Variants in PTPRD observed in about 807,000 individuals in gnomAD.
The protein encoded by PTPRD is receptor-type tyrosine-protein phosphatase delta.
In PTPRD, 34 loss-of-function variants were observed where a neutral mutation model predicts 214.5. The observed-to-expected ratio is 0.16, with a 90% CI of 0.12 to 0.21. The LOEUF (loss-of-function observed/expected upper bound fraction) is 0.21. PTPRD is among the 10% of genes least tolerant of loss of function. PTPRD has a pLI of 1.00. For missense variants in PTPRD, 2,545 were observed against 2,398.7 expected (o/e 1.06, Z -1.27); for synonymous variants, 1,128 against 845.7 (o/e 1.33, Z -5.79).
At chr9:9,635,362 G>C (rs904720354) in intron 7 of PTPRD, among the ~76,000 whole-genome samples, 2 of 152,158 alleles carry the variant, frequency 1.3e-5, no homozygotes, top group Admixed American at 6.5e-5. Flanking sequence ...TTTTGGTTCA[G>C]GGTAGGTAGC....
At chr9:9,994,112 G>A (rs2096045420) in intron 4 of PTPRD, among the ~76,000 whole-genome samples, 1 of 152,164 alleles carries the variant, frequency 6.6e-6, no homozygotes. Context: ...TAGCTAGTAA[G>A]TAAAGTCAGA....
chr9:10,437,034 T>G (rs650768), intron 2 of PTPRD, among the ~76,000 whole-genome samples: 2,862 of 151,886 alleles, frequency 0.019, 89 homozygotes, highest in African/African-American at 0.065. Flanking sequence ...GAGATAAGTA[T>G]ATATGCAATA....
At chr9:10,104,441 C>T (rs1215639176) in intron 3 of PTPRD, among the ~76,000 whole-genome samples, 1 of 151,494 alleles carries the variant, frequency 6.6e-6, no homozygotes, top group South Asian at 2.1e-4. Context: ...ACACATAATG[C>T]AGGTCTATAA....
chr9:8,626,213 T>A (rs1440768029), intron 14 of PTPRD, among the ~76,000 whole-genome samples: 1 of 151,922 alleles, frequency 6.6e-6, no homozygotes, highest in African/African-American at 2.4e-5. Context: ...GCCAACCAAC[T>A]ACCTAGTTTT....
intron 7 of PTPRD, among the ~76,000 whole-genome samples, chr9:9,703,141 A>T (rs977610716): frequency 1.3e-5 from 2 of 151,890 alleles, no homozygotes; most frequent in South Asian, 4.2e-4. Context: ...CTTCTCATGA[A>T]ATCTGATGGT....
chr9:8,836,228 G>C (rs2097418966), intron 11 of PTPRD, among the ~76,000 whole-genome samples: 1 of 152,026 alleles, frequency 6.6e-6, no homozygotes, highest in East Asian at 1.9e-4. Flanking sequence ...ATTAATTCAG[G>C]CGTAAATACT....
At chr9:9,976,251 ATAG>A in intron 4 of PTPRD, among the ~76,000 whole-genome samples, 1 of 152,284 alleles carries the variant, frequency 6.6e-6, no homozygotes, top group East Asian at 1.9e-4. Context: ...AGTTTACAAA[ATAG>A]AAACTTAACT....
At chr9:9,484,670 T>C (rs1485083396) in intron 8 of PTPRD, among the ~76,000 whole-genome samples, 1 of 152,132 alleles carries the variant, frequency 6.6e-6, no homozygotes, top group East Asian at 1.9e-4. Flanking sequence ...GACACTGTTA[T>C]TGGGCCCATT....
At chr9:9,443,645 G>A (rs763864806) in intron 8 of PTPRD, among the ~76,000 whole-genome samples, 4 of 152,068 alleles carry the variant, frequency 2.6e-5, no homozygotes, top group Non-Finnish European at 5.9e-5. Context: ...CATAGAGAAG[G>A]GGGTAGCTCA....
chr9:10,524,060 G>C (rs960302297), intron 2 of PTPRD, among the ~76,000 whole-genome samples: 4 of 151,966 alleles, frequency 2.6e-5, no homozygotes, highest in Non-Finnish European at 4.4e-5. Flanking sequence ...CGTCTTATAA[G>C]TCCTCACGTG....
intron 14 of PTPRD, among the ~76,000 whole-genome samples, chr9:8,623,666 G>A (rs773150079): frequency 2.0e-5 from 3 of 151,802 alleles, no homozygotes; most frequent in African/African-American, 4.8e-5. Flanking sequence ...GCTTTACATG[G>A]ATTATCTCCT....
At chr9:9,582,191 A>T (rs1197249331) in intron 7 of PTPRD, among the ~76,000 whole-genome samples, 1 of 152,146 alleles carries the variant, frequency 6.6e-6, no homozygotes, top group Admixed American at 6.6e-5. Context: ...ACCACTTGGA[A>T]TAAGACAACC....
intron 12 of PTPRD, among the ~76,000 whole-genome samples, chr9:8,681,647 C>T (rs1259531019): frequency 1.3e-5 from 2 of 152,146 alleles, no homozygotes; most frequent in Non-Finnish European, 1.5e-5. Context: ...GGTGCAAAGC[C>T]GCCAGCCCTG....
chr9:8,466,959 C>G (rs975690054), intron 31 of PTPRD, among the ~76,000 whole-genome samples: 8 of 151,756 alleles, frequency 5.3e-5, no homozygotes, highest in Admixed American at 5.3e-4. Flanking sequence ...ATGATAAACA[C>G]TGAATTCTTC....
At chr9:9,279,759 G>A (rs555415260) in intron 9 of PTPRD, among the ~76,000 whole-genome samples, 3 of 151,016 alleles carry the variant, frequency 2.0e-5, no homozygotes, top group South Asian at 2.1e-4. Context: ...CTACAAATAA[G>A]AGCATGCAAT....
At chr9:10,329,963 T>G (rs1346056388) in intron 3 of PTPRD, among the ~76,000 whole-genome samples, 1 of 151,876 alleles carries the variant, frequency 6.6e-6, no homozygotes, top group Non-Finnish European at 1.5e-5. Flanking sequence ...GAAAAATCTT[T>G]TATAGATATT....
At chr9:8,973,109 G>A (rs1394994318) in intron 11 of PTPRD, among the ~76,000 whole-genome samples, 1 of 151,748 alleles carries the variant, frequency 6.6e-6, no homozygotes, top group Non-Finnish European at 1.5e-5. Context: ...ATTCAGCTTT[G>A]ATTTTAGACA....
intron 5 of PTPRD, among the ~76,000 whole-genome samples, chr9:9,829,200 A>G (rs1007167983): frequency 1.1e-4 from 16 of 151,920 alleles, no homozygotes; most frequent in South Asian, 4.1e-4. Flanking sequence ...TGGTGTTGAC[A>G]TATTTCTATA....
chr9:9,142,166 A>T (rs541722088), intron 10 of PTPRD, among the ~76,000 whole-genome samples: 1 of 152,232 alleles, frequency 6.6e-6, no homozygotes, highest in Non-Finnish European at 1.5e-5. Flanking sequence ...ATGCAGGCTC[A>T]TTATCATTTA....
Sources: allele counts gnomAD v4.1 joint callset (sites outside exome capture counted in the v4.1 genomes callset), GRCh38; gene constraint gnomAD v4.1.1; transcripts MANE v1.5; gene names NCBI Gene and HGNC (gene_info 2026-07-23, HGNC 2026-07-21).